The following XNDC1N variants were observed in gnomAD, a reference collection of about 807,000 sequenced individuals.
The protein encoded by XNDC1N is XRCC1 N-terminal domain containing 1, N-terminal like.
the XNDC1N span, among the ~76,000 whole-genome samples, chr11:71,924,640 T>C: frequency 6.6e-6 from 1 of 151,938 alleles, no homozygotes; most frequent in Non-Finnish European, 1.5e-5. Flanking sequence ...ATCGTGCCAC[T>C]GCCACTGCAC....
At chr11:71,919,927 CTCTTTTTTTTTTTTTT>C in the XNDC1N span, among the ~76,000 whole-genome samples, 36 of 67,266 alleles carry the variant, frequency 5.4e-4, no homozygotes, top group African/African-American at 1.8e-3. Flanking sequence ...AAAAGCAGGC[CTCTTTTTTTTTTTTTT>C]TTTTTTTTTT....
chr11:71,905,779 T>G, the XNDC1N span, among the ~76,000 whole-genome samples: 3 of 152,060 alleles, frequency 2.0e-5, no homozygotes, highest in South Asian at 6.2e-4. Context: ...TATCACAGGA[T>G]GTACACACAT....
At chr11:71,876,301 T>C in the XNDC1N span, among the ~76,000 whole-genome samples, 1 of 152,232 alleles carries the variant, frequency 6.6e-6, no homozygotes, top group African/African-American at 2.4e-5. Flanking sequence ...GATAGCTTGA[T>C]AGCTATCTGA....
At chr11:71,872,821 C>T in the XNDC1N span, among the ~76,000 whole-genome samples, 1 of 152,142 alleles carries the variant, frequency 6.6e-6, no homozygotes, top group Non-Finnish European at 1.5e-5. Context: ...TAAAAGGATA[C>T]AACATTGACC....
chr11:71,886,261 A>G, the XNDC1N span, among the ~76,000 whole-genome samples: 9 of 152,094 alleles, frequency 5.9e-5, no homozygotes, highest in South Asian at 2.1e-4. Context: ...CCAGACCCAC[A>G]ACCCCACCTG....
chr11:71,912,193 T>A, the XNDC1N span, among the ~76,000 whole-genome samples: 2 of 152,110 alleles, frequency 1.3e-5, no homozygotes, highest in Admixed American at 6.5e-5. Context: ...GTCCAGCCGT[T>A]CCGCCCGGCA....
chr11:71,884,483 T>C, the XNDC1N span: 1 of 1,610,418 alleles, frequency 6.2e-7, no homozygotes, highest in Non-Finnish European at 8.5e-7. Flanking sequence ...CTGATGAACA[T>C]GCAATTAGAT....
the XNDC1N span, among the ~76,000 whole-genome samples, chr11:71,879,973 T>A: frequency 1.2e-4 from 18 of 152,310 alleles, no homozygotes; most frequent in East Asian, 3.1e-3. Flanking sequence ...AATCCACTGA[T>A]ACTCACTAAA....
chr11:71,895,546 T>G, the XNDC1N span, among the ~76,000 whole-genome samples: 1 of 150,518 alleles, frequency 6.6e-6, no homozygotes, highest in African/African-American at 2.5e-5. Flanking sequence ...AGGCTGGTCT[T>G]GAACTCCCGA....
the XNDC1N span, among the ~76,000 whole-genome samples, chr11:71,895,569 C>G: frequency 6.6e-6 from 1 of 151,510 alleles, no homozygotes; most frequent in Non-Finnish European, 1.5e-5. Context: ...TCAGGTGATC[C>G]GCCCGCTTCC....
chr11:71,926,093 G>A, the XNDC1N span: 2 of 150,880 alleles, frequency 1.3e-5, no homozygotes, highest in South Asian at 2.1e-4. Context: ...GCAACATGGC[G>A]AAATCCCATC....
the XNDC1N span, among the ~76,000 whole-genome samples, chr11:71,908,571 T>G: frequency 1.3e-5 from 2 of 152,098 alleles, no homozygotes; most frequent in African/African-American, 4.8e-5. Flanking sequence ...CTGGGTTAGA[T>G]GAGGATGGTC....
At chr11:71,911,550 T>C in the XNDC1N span, among the ~76,000 whole-genome samples, 5 of 152,148 alleles carry the variant, frequency 3.3e-5, no homozygotes, top group African/African-American at 1.2e-4. Context: ...CCCAGGCCAC[T>C]TCAGGCCAGA....
At chr11:71,877,820 G>A in the XNDC1N span, among the ~76,000 whole-genome samples, 44 of 152,186 alleles carry the variant, frequency 2.9e-4, 1 homozygote, top group East Asian at 4.4e-3. Flanking sequence ...TTTGCTTTCC[G>A]AAGTGTATTA....
chr11:71,917,270 TC>T, the XNDC1N span: 1 of 674,862 alleles, frequency 1.5e-6, no homozygotes, highest in Non-Finnish European at 2.7e-6. Context: ...TGTCCCAGTC[TC>T]CCAAAGTGCT....
the XNDC1N span, among the ~76,000 whole-genome samples, chr11:71,868,884 T>G: frequency 1.3e-5 from 2 of 152,284 alleles, no homozygotes; most frequent in Admixed American, 6.5e-5. Context: ...CCAAGTTGTT[T>G]GCTTTCTCTC....
chr11:71,889,948 G>T, the XNDC1N span, among the ~76,000 whole-genome samples: 1 of 149,222 alleles, frequency 6.7e-6, no homozygotes, highest in African/African-American at 2.5e-5. Context: ...ACGGCCTTTA[G>T]GGATCGGCTC....
At chr11:71,873,808 A>G in the XNDC1N span, among the ~76,000 whole-genome samples, 1 of 152,250 alleles carries the variant, frequency 6.6e-6, no homozygotes, top group Non-Finnish European at 1.5e-5. Context: ...GATTTATTCT[A>G]TGTAGTTTTT....
At chr11:71,907,282 C>G in the XNDC1N span, among the ~76,000 whole-genome samples, 51 of 152,124 alleles carry the variant, frequency 3.4e-4, no homozygotes, top group African/African-American at 1.2e-3. Flanking sequence ...AAACATAATA[C>G]GAGAAACGGA....
Sources: gnomAD v4.1 joint callset for allele counts (sites outside exome capture counted in the v4.1 genomes callset) on GRCh38, gnomAD v4.1.1 for gene constraint, MANE v1.5 for transcripts, NCBI Gene and HGNC (gene_info 2026-07-23, HGNC 2026-07-21) for gene names.